DENND5A: variants seen among roughly 807,000 people sequenced by gnomAD.
The protein encoded by DENND5A is DENN domain-containing protein 5A.
DENND5A carries 64 observed loss-of-function variants against 140.3 expected under a neutral mutation model. The ratio of observed to expected loss-of-function variants is 0.46; its 90% CI spans 0.37 to 0.56. DENND5A has a LOEUF of 0.56. Among genes scored for constraint, DENND5A ranks in the 20% least tolerant of loss-of-function variants. The pLI is 0.00. For synonymous variants in DENND5A, 605 were observed against 607.7 expected (o/e 1.00, Z 0.07); for missense variants, 1,292 against 1,593.8 (o/e 0.81, Z 3.22).
At chr11:9,195,993 C>G (rs1849313333) in intron 4 of DENND5A, among the ~76,000 whole-genome samples, 2 of 152,154 alleles carry the variant, frequency 1.3e-5, no homozygotes, top group South Asian at 4.1e-4. Context: ...CGCTCTGTCA[C>G]CCAGGTTGGA....
chr11:9,140,056 G>T, intron 22 of DENND5A: 1 of 1,078,034 alleles, frequency 9.3e-7, no homozygotes, highest in Non-Finnish European at 1.3e-6. Context: ...ACCCAAATCA[G>T]CCCTGTCATG....
At chr11:9,230,230 CTTTTTTTTTTTT>C (rs71062817) in intron 1 of DENND5A, among the ~76,000 whole-genome samples, 8 of 52,060 alleles carry the variant, frequency 1.5e-4, no homozygotes, top group East Asian at 6.4e-4. Context: ...AAAACTAATG[CTTTTTTTTTTTT>C]TTTTTTTTTT....
At chr11:9,213,890 T>C (rs1405586883) in intron 1 of DENND5A, among the ~76,000 whole-genome samples, 1 of 150,662 alleles carries the variant, frequency 6.6e-6, no homozygotes, top group African/African-American at 2.4e-5. Flanking sequence ...ATAGACTGCC[T>C]CAACTTACCA....
intron 4 of DENND5A, among the ~76,000 whole-genome samples, chr11:9,196,649 C>T (rs1029701416): frequency 6.6e-6 from 1 of 151,918 alleles, no homozygotes; most frequent in Admixed American, 6.6e-5. Flanking sequence ...CTTGCTCTGT[C>T]GCCCAGGCTG....
intron 4 of DENND5A, among the ~76,000 whole-genome samples, chr11:9,195,590 G>C (rs1849296744): frequency 6.6e-6 from 1 of 152,136 alleles, no homozygotes; most frequent in East Asian, 1.9e-4. Context: ...TCATAAAGTA[G>C]TTGTAAGTAA....
intron 10 of DENND5A, among the ~76,000 whole-genome samples, chr11:9,166,187 TC>T (rs1480911543): frequency 2.6e-5 from 4 of 151,850 alleles, no homozygotes; most frequent in Admixed American, 2.6e-4. Context: ...CAGGCAATCC[TC>T]CTGCCTCAGC....
intron 1 of DENND5A, among the ~76,000 whole-genome samples, chr11:9,214,221 G>A (rs1447454200): frequency 6.6e-6 from 1 of 152,098 alleles, no homozygotes; most frequent in Non-Finnish European, 1.5e-5. Flanking sequence ...TGTGCATGTT[G>A]AGAGCCAGGT....
chr11:9,229,724 GAACA>G (rs1239213565), intron 1 of DENND5A, among the ~76,000 whole-genome samples: 13 of 151,958 alleles, frequency 8.6e-5, no homozygotes, highest in African/African-American at 1.7e-4. Context: ...AGAAGAATCT[GAACA>G]GACAGGCCTT....
rs1355112789 is a variant in DENND5A at position 9,142,080 on chromosome 11, T to C, written c.3540A>G (p.Leu1180=). 6 of 1,601,626 alleles carry C rather than the reference T, an allele frequency of 3.7e-6. No individual in the cohort carries two copies. Among genetic ancestry groups the C allele is most frequent in the Non-Finnish European group, 5.1e-6 (6 of 1,174,060 alleles). ...CCTCAGGGACTACTTCATTCTTCTC[T>C]AATGTCTCATAATAGGTTTGTGCTT... ...LEKAQTYYET[L]EKNEVVPEEN... Residue 1180 remains leucine (L), a synonymous_variant, in exon 22 of 23, where the codon TTA becomes TTG. Transcript: ENST00000328194.
At position 9,203,898 on chromosome 11, in the gene DENND5A, T is replaced by C. The variant is rs1400929766; in HGVS notation, c.711A>G (p.Pro237=). 1 of 1,613,978 alleles carries C rather than the reference T, an allele frequency of 6.2e-7. No individual in the cohort carries two copies. The highest frequency in any genetic ancestry group is 1.1e-5 in the South Asian group (1 of 91,072). Residue 237 remains proline, a synonymous_variant, in exon 4 of 23, where the codon CCA becomes CCG. Transcript: ENST00000328194. ...HQAVTSPQPP[P]LPLESYIYNV... ...TGTATATGTAGCTCTCAAGGGGCAG[T>C]GGAGGGGGCTGAGGTGAAGTGACTG...
intron 11 of DENND5A, among the ~76,000 whole-genome samples, chr11:9,163,884 T>C (rs747291194): frequency 1.4e-5 from 2 of 144,446 alleles, no homozygotes; most frequent in Non-Finnish European, 3.0e-5. Flanking sequence ...ATGTTCTTCA[T>C]AGTAGAAAGG....
intron 1 of DENND5A, among the ~76,000 whole-genome samples, chr11:9,258,018 C>T (rs2136302575): frequency 6.6e-6 from 1 of 152,122 alleles, no homozygotes; most frequent in South Asian, 2.1e-4. Flanking sequence ...GTCTCAAACT[C>T]CTGACCTCAA....
chr11:9,249,483 G>A (rs66554737), intron 1 of DENND5A, among the ~76,000 whole-genome samples: 51,038 of 151,892 alleles, frequency 0.34, 9,761 homozygotes, highest in African/African-American at 0.51. Context: ...CTCCCAGCTC[G>A]TCCTCTGGAG....
intron 11 of DENND5A, among the ~76,000 whole-genome samples, chr11:9,164,192 T>A (rs1357060775): frequency 1.9e-5 from 2 of 107,046 alleles, no homozygotes; most frequent in Non-Finnish European, 3.5e-5. Context: ...CCACCACGCC[T>A]AATTTTTTTT....
intron 1 of DENND5A, among the ~76,000 whole-genome samples, chr11:9,213,438 C>CT (rs901386385): frequency 3.3e-4 from 50 of 151,524 alleles, no homozygotes; most frequent in South Asian, 4.2e-4. Context: ...AAAAAAACAC[C>CT]TTTTTTTTAA....
intron 1 of DENND5A, among the ~76,000 whole-genome samples, chr11:9,251,992 A>G (rs1240825952): frequency 7.0e-6 from 1 of 143,150 alleles, no homozygotes; most frequent in African/African-American, 2.6e-5. Context: ...CTGTCTCGCG[A>G]AAAAAAAGAA....
rs1590198372 is a variant in DENND5A, at chr11:9,139,503, TAAACTCTA to T, written c.*160_*167del. ...AGTGTGTAAAAAGCAAATCAGCAAATAAACTCTAAAATAGATTATTTATTCCAAAAATC... is the reference window on the plus strand; with the variant it reads ...AGTGTGTAAAAAGCAAATCAGCAAATAAATAGATTATTTATTCCAAAAATC... On this transcript the variant is annotated 3_prime_UTR_variant, in exon 23 of 23. Transcript: ENST00000328194. The T allele has an allele frequency of 1.5e-6, 1 of 654,166 alleles. No homozygotes were observed. Among genetic ancestry groups the T allele is most frequent in the East Asian group, 2.8e-5 (1 of 35,854 alleles). The allele number at this position is 654,166 out of a possible 1,614,324, so 40.5% of individuals were successfully genotyped here.
chr11:9,166,737 C>A (rs1445680514), intron 10 of DENND5A, among the ~76,000 whole-genome samples: 1 of 151,944 alleles, frequency 6.6e-6, no homozygotes, highest in Non-Finnish European at 1.5e-5. Context: ...GAGGCTGAGG[C>A]AGGAGAATTG....
chr11:9,255,940 G>A (rs1227312202), intron 1 of DENND5A, among the ~76,000 whole-genome samples: 2 of 148,780 alleles, frequency 1.3e-5, no homozygotes, highest in Admixed American at 1.3e-4. Context: ...GAAGGAGAAT[G>A]GCCTGAACCC....
Sources: allele counts gnomAD v4.1 joint callset (sites outside exome capture counted in the v4.1 genomes callset), GRCh38; gene constraint gnomAD v4.1.1; transcripts MANE v1.5; gene names NCBI Gene and HGNC (gene_info 2026-07-23, HGNC 2026-07-21).